Variants in STK25 observed in about 807,000 individuals in gnomAD.
STK25 encodes the protein serine/threonine kinase 25.
Under a neutral mutation model 53.8 loss-of-function variants are expected in STK25, and 29 were observed. The observed-to-expected ratio is 0.54, with a 90% CI of 0.40 to 0.74. STK25 has a LOEUF of 0.74. Among genes scored for constraint, STK25 ranks in the 30% least tolerant of loss-of-function variants. STK25 has a pLI of 0.00. For synonymous variants in STK25, 247 were observed against 238.3 expected, an observed-to-expected ratio of 1.04 and a Z score of -0.33; for missense variants, 420 against 568.0, an observed-to-expected ratio of 0.74 and a Z score of 2.65.
Position 241,508,367 on chromosome 2 carries a change from A to G in STK25, c.-101+76T>C, listed in dbSNP as rs564119331. 1.2e-5 allele frequency: 10 copies of G among 823,410 alleles called. No individual in the cohort carries two copies. In the South Asian group the frequency reaches 2.6e-4, roughly 22 times the overall value. The allele number at this position is 823,410 out of a possible 1,614,324, so 51.0% of individuals were successfully genotyped here. ...GTGCCCCCGCCCCGGTGTCCCCGCCACCGAGCCCCGCCCCGGGCCCCTCCC... is the reference window on the plus strand; with the variant it reads ...GTGCCCCCGCCCCGGTGTCCCCGCCGCCGAGCCCCGCCCCGGGCCCCTCCC... On this transcript the variant is annotated intron_variant, in intron 1 of 11. Coordinates refer to ENST00000316586, the MANE Select transcript of STK25 (RefSeq NM_001271977.2).
In STK25 at chr2:241,504,050, C is replaced by T. The variant is rs35344217; in HGVS notation, c.31-2342G>A. On this transcript the variant is annotated intron_variant, in intron 2 of 11. Transcript: ENST00000316586. ...CACAGGCCCCCACCTTGAAACATGC[C>T]GCTGCACATCCCTTTTTGAGTGCCA... 175 of 471,208 alleles carry T rather than the reference C, an allele frequency of 3.7e-4. No homozygotes were observed. In the East Asian group the frequency reaches 9.9e-3, roughly 27 times the overall value. The allele number at this position is 471,208 out of a possible 1,614,324, so 29.2% of individuals were successfully genotyped here.
Position 241,497,597 on chromosome 2 carries a change from G to A in STK25, c.1104+19C>T. The A allele has an allele frequency of 6.2e-7, 1 of 1,612,956 alleles. No individual in the cohort carries two copies. The highest frequency in any genetic ancestry group is 8.5e-7 in the Non-Finnish European group (1 of 1,179,570). Reference sequence around the variant, plus strand: ...TGTCCTTGACGGGACTCCAGGCCCAGTCCCAGCCCCATCCTCACCTCTCCG... The same window carrying A: ...TGTCCTTGACGGGACTCCAGGCCCAATCCCAGCCCCATCCTCACCTCTCCG... On this transcript the variant is annotated intron_variant, in intron 10 of 11. Coordinates refer to ENST00000316586, the MANE Select transcript of STK25 (RefSeq NM_001271977.2).
chr2:241,503,029 G>T (rs940502906), intron 2 of STK25, among the ~76,000 whole-genome samples: 1 of 152,152 alleles, frequency 6.6e-6, no homozygotes. Flanking sequence ...CAGAGTCCAG[G>T]GGAAGCCAGC....
chr2:241,508,334 T>C, intron 1 of STK25, 109 bp downstream of exon 1: 1 of 1,182,348 alleles, frequency 8.5e-7, no homozygotes, highest in South Asian at 2.9e-5. Context: ...CAAGGCAGCT[T>C]CCTCCCGGTG....
chr2:241,503,537 C>G (rs1454244477), intron 2 of STK25, among the ~76,000 whole-genome samples: 1 of 150,886 alleles, frequency 6.6e-6, no homozygotes, highest in Non-Finnish European at 1.5e-5. Context: ...ATGGTGAAAC[C>G]CCGTCTCTAC....
chr2:241,497,519 A>C, intron 10 of STK25, 97 bp downstream of exon 10: 1 of 1,291,812 alleles, frequency 7.7e-7, no homozygotes, highest in Non-Finnish European at 1.1e-6. Context: ...AGAAGCTGAA[A>C]CCACCCCACA....
In STK25 at chr2:241,493,707, G is replaced by C; in HGVS notation, c.*1955C>G. On this transcript the variant is annotated 3_prime_UTR_variant, in exon 12 of 12. Transcript: ENST00000316586. ...CCTCCAGGGTTCAAGCGATTCTTCT[G>C]CCTCAGCCTCCTGAGTAACTGAGAT... is the stretch of plus-strand genomic sequence containing the variant. 1 of 524,928 alleles carries C rather than the reference G, an allele frequency of 1.9e-6. No homozygotes were observed. The highest frequency in any genetic ancestry group is 3.2e-5 in the East Asian group (1 of 31,338). 32.5% of individuals were successfully genotyped at this position (524,928 alleles called of 1,614,324 possible).
rs1408141146 is a variant in STK25, at chr2:241,495,081, T to C, written c.*581A>G. On this transcript the variant is annotated 3_prime_UTR_variant, in exon 12 of 12. Transcript: ENST00000316586. ...TCTCAATGTTCTATGAAAACTAACA[T>C]ATTAACCTCAGAATATTTCAGGAAA... 1 of 152,452 alleles carries C rather than the reference T, an allele frequency of 6.6e-6. No homozygotes were observed. The highest frequency in any genetic ancestry group is 2.4e-5 in the African/African-American group (1 of 41,440). 9.4% of individuals were successfully genotyped at this position (152,452 alleles called of 1,614,324 possible).
chr2:241,508,815 T>TGGGC, upstream of STK25: 1 of 921,198 alleles, frequency 1.1e-6, no homozygotes. Context: ...GCCGCGCGCC[T>TGGGC]GGGCGGGCGG....
At position 241,497,412 on chromosome 2, in the gene STK25, G is replaced by A. The variant is rs116005540; in HGVS notation, c.1104+204C>T. The A allele has an allele frequency of 8.0e-3, 4,628 of 578,090 alleles. 30 individuals carry two copies. Among genetic ancestry groups the A allele is most frequent in the Middle Eastern group, 0.029 (106 of 3,612 alleles). The allele number at this position is 578,090 out of a possible 1,614,324, so 35.8% of individuals were successfully genotyped here. ...AAAAAAGTCACCCTAGGAACCCAGA[G>A]AACCTTGGCAGGTCTGGGAGTACAA... On this transcript the variant is annotated intron_variant, in intron 10 of 11. Transcript: ENST00000316586.
Position 241,493,363 on chromosome 2 carries a change from T to A in STK25, c.*2299A>T. 6.2e-7 allele frequency: 1 copy of A among 1,614,030 alleles called. No homozygotes were observed. Among genetic ancestry groups the A allele is most frequent in the Non-Finnish European group, 8.5e-7 (1 of 1,179,986 alleles). ...AGCATCCCCAGGGAGGCCGATGGCA[T>A]ACACAAAGACTATGTTTTCAAGCTC... is the stretch of plus-strand genomic sequence containing the variant. On this transcript the variant is annotated 3_prime_UTR_variant, in exon 12 of 12. Transcript: ENST00000316586.
At chr2:241,500,715 C>T in intron 4 of STK25, 25 bp downstream of exon 4, 1 of 1,612,692 alleles carries the variant, frequency 6.2e-7, no homozygotes, top group Non-Finnish European at 8.5e-7. Flanking sequence ...TGCATGACCC[C>T]CCACTGCCAT....
chr2:241,501,711 G>A lies in STK25; in HGVS notation c.31-3C>T, dbSNP rs2065521954. 6.2e-7 allele frequency: 1 copy of A among 1,610,316 alleles called. No individual in the cohort carries two copies. The highest frequency in any genetic ancestry group is 8.5e-7 in the Non-Finnish European group (1 of 1,177,672). Reference sequence around the variant, plus strand: ...TCCTCAGGGTCCACTCGAGAGTGCTGTGGGGCCAGGGCGGGGACAGAGGGC... The same window carrying A: ...TCCTCAGGGTCCACTCGAGAGTGCTATGGGGCCAGGGCGGGGACAGAGGGC... On this transcript the variant is annotated splice_polypyrimidine_tract_variant and splice_region_variant and intron_variant, in intron 2 of 11. Coordinates refer to ENST00000316586, the MANE Select transcript of STK25 (RefSeq NM_001271977.2). The surrounding 1 kb of genome is among the most constrained non-coding windows in gnomAD (Gnocchi z 5.3).
At chr2:241,499,704 G>A (rs1574946084) in intron 5 of STK25, 1 of 525,052 alleles carries the variant, frequency 1.9e-6, no homozygotes, top group East Asian at 3.4e-5. Context: ...CTACCGCAGA[G>A]GTGACCCTGA....
chr2:241,503,166 C>T (rs1452184624), intron 2 of STK25, among the ~76,000 whole-genome samples: 1 of 152,002 alleles, frequency 6.6e-6, no homozygotes, highest in Admixed American at 6.6e-5. Context: ...TGGGTTCAAG[C>T]GATTCTTCTG....
Position 241,496,830 on chromosome 2 carries a change from C to G in STK25, c.1105-296G>C, listed in dbSNP as rs2065197858. ...AGATGGCTTCCTCCCAGCCGAGGGT[C>G]ATGGAAGCCACTCAATGGGTCTAAT... On this transcript the variant is annotated intron_variant, in intron 10 of 11. Transcript: ENST00000316586. The surrounding 1 kb of genome is among the most constrained non-coding windows in gnomAD (Gnocchi z 5.8). Among the ~76,000 whole-genome samples the G allele has an allele frequency of 6.6e-6, 1 of 152,136 alleles. No individual in the cohort carries two copies. Among genetic ancestry groups the G allele is most frequent in the South Asian group, 2.1e-4 (1 of 4,826 alleles).
intron 2 of STK25, among the ~76,000 whole-genome samples, chr2:241,503,618 C>T (rs1399227696): frequency 1.4e-5 from 2 of 145,788 alleles, no homozygotes; most frequent in Admixed American, 7.0e-5. Flanking sequence ...GAGGCTGAGG[C>T]AGGATAATAT....
chr2:241,495,833 A>G (rs1329881184), intron 11 of STK25, 132 bp from the exon 12 acceptor site: 20 of 856,612 alleles, frequency 2.3e-5, no homozygotes, highest in East Asian at 5.2e-5. Context: ...GGTGTCCCCA[A>G]TGCACAGGGT....
At position 241,493,531 on chromosome 2, in the gene STK25, T is replaced by C. The variant is rs756999349; in HGVS notation, c.*2131A>G. 708 of 1,275,596 alleles carry C rather than the reference T, an allele frequency of 5.6e-4. 2 individuals are homozygous for C. The highest frequency in any genetic ancestry group is 2.5e-3 in the Middle Eastern group (13 of 5,282). The allele number at this position is 1,275,596 out of a possible 1,614,324, so 79.0% of individuals were successfully genotyped here. On this transcript the variant is annotated 3_prime_UTR_variant, in exon 12 of 12. Transcript: ENST00000316586. ...TCTACTCATGGTGGTGGAGGCAAGT[T>C]TTCTGGGCCCTGGAAAGGAAGGGCT...
Sources: gnomAD v4.1 joint callset for allele counts (sites outside exome capture counted in the v4.1 genomes callset) on GRCh38, gnomAD v4.1.1 for gene constraint, Gnocchi (gnomAD v3.1) non-coding constraint, MANE v1.5 for transcripts, NCBI Gene and HGNC (gene_info 2026-07-23, HGNC 2026-07-21) for gene names.